The following PNPLA3 variants were observed in gnomAD, a reference collection of about 807,000 sequenced individuals.
PNPLA3 encodes 1-acylglycerol-3-phosphate O-acyltransferase PNPLA3.
PNPLA3 carries 42 observed loss-of-function variants against 43.1 expected under a neutral mutation model. That is an observed-to-expected ratio of 0.97 (90% CI 0.76 to 1.26). The LOEUF (loss-of-function observed/expected upper bound fraction) is 1.26, where lower values mean the gene tolerates loss of function less well. Ranked by LOEUF, PNPLA3 falls within the 50% of genes most tolerant of loss-of-function variation. PNPLA3 has a pLI of 0.00. For missense variants in PNPLA3, 647 were observed against 621.4 expected (o/e 1.04, Z -0.44); for synonymous variants, 272 against 253.6 (o/e 1.07, Z -0.69).
Position 43,927,909 on chromosome 22 carries a change from T to A in PNPLA3, c.420+742T>A, listed in dbSNP as rs2049935518. ...TAATTCCTCCCTTTCCTTCAACACTTGGCTCATGACCGTCCAGTCCAAGGA... is the reference window on the plus strand; with the variant it reads ...TAATTCCTCCCTTTCCTTCAACACTAGGCTCATGACCGTCCAGTCCAAGGA... On this transcript the variant is annotated intron_variant, in intron 2 of 8. Coordinates refer to ENST00000216180, the MANE Select transcript of PNPLA3 (RefSeq NM_025225.3). 2.0e-5 allele frequency among the ~76,000 whole-genome samples: 3 copies of A among 152,188 alleles called. No homozygotes were observed. In the South Asian group the frequency reaches 6.2e-4, roughly 32 times the overall value.
chr22:43,924,067 C>T lies in PNPLA3; in HGVS notation c.156C>T (p.His52=). The change falls in exon 1 of 9, where the codon CAC becomes CAT. Residue 52 remains histidine (H), a synonymous_variant. Transcript: ENST00000216180. ...TCGGCGCTTCGGCCGGGGCGTTGCA[C>T]TGCGTCGGCGTCCTCTCCGGTATCC... ...MLFGASAGAL[H]CVGVLSGIPL... 6.4e-7 allele frequency: 1 copy of T among 1,573,014 alleles called. No homozygotes were observed. The highest frequency in any genetic ancestry group is 8.6e-7 in the Non-Finnish European group (1 of 1,169,036).
intron 7 of PNPLA3, among the ~76,000 whole-genome samples, chr22:43,943,261 CT>C (rs1189988118): frequency 6.6e-6 from 1 of 151,850 alleles, no homozygotes; most frequent in Non-Finnish European, 1.5e-5. Context: ...TCATCTTTCT[CT>C]TTTATGCTAC....
At position 43,946,340 on chromosome 22, in the gene PNPLA3, G is replaced by A. The variant is rs1336656833; in HGVS notation, c.1404G>A (p.Gly468=). 1.2e-6 allele frequency: 2 copies of A among 1,614,064 alleles called. No homozygotes were observed. The highest frequency in any genetic ancestry group is 1.7e-6 in the Non-Finnish European group (2 of 1,180,034). The change falls in exon 9 of 9, where the codon GGG becomes GGA. Residue 468 remains glycine, a synonymous_variant. Coordinates refer to ENST00000216180, the MANE Select transcript of PNPLA3 (RefSeq NM_025225.3). Reference sequence around the variant, plus strand: ...ATAAAGTACCTGCTGGTGCTGAGGGGCTCTCCACCTTTCCCAGTTTTTCAC... The same window carrying A: ...ATAAAGTACCTGCTGGTGCTGAGGGACTCTCCACCTTTCCCAGTTTTTCAC... ...LGNKVPAGAE[G]LSTFPSFSLE...
chr22:43,924,364 G>A (rs1415490604), intron 1 of PNPLA3: 4 of 460,178 alleles, frequency 8.7e-6, no homozygotes, highest in Admixed American at 9.0e-5. Flanking sequence ...CCCATCAGGC[G>A]CCCGTGCATG....
chr22:43,938,277 A>G (rs369320903), intron 6 of PNPLA3, among the ~76,000 whole-genome samples: 1 of 152,252 alleles, frequency 6.6e-6, no homozygotes. Flanking sequence ...TGAGTCAGAC[A>G]TAACTCCTTA....
rs1046784151 is a variant in PNPLA3, at chr22:43,946,557, C to T, written c.*175C>T. ...AGGAAGCAACCTTTCGCCTGTGCAGCGGTCCAGCACTTAACTCTAATACAT... is the reference window on the plus strand; with the variant it reads ...AGGAAGCAACCTTTCGCCTGTGCAGTGGTCCAGCACTTAACTCTAATACAT... On this transcript the variant is annotated 3_prime_UTR_variant, in exon 9 of 9. Coordinates refer to ENST00000216180, the MANE Select transcript of PNPLA3 (RefSeq NM_025225.3). 6.3e-5 allele frequency: 45 copies of T among 715,862 alleles called. No individual in the cohort carries two copies. The East Asian group carries it at 9.0e-4, about 14-fold the overall frequency. The allele number at this position is 715,862 out of a possible 1,614,324, so 44.3% of individuals were successfully genotyped here.
At position 43,926,931 on chromosome 22, in the gene PNPLA3, C is replaced by A. The variant is rs765653982; in HGVS notation, c.188-4C>A. The A allele has an allele frequency of 6.2e-7, 1 of 1,613,344 alleles. No individual in the cohort carries two copies. Among genetic ancestry groups the A allele is most frequent in the Non-Finnish European group, 8.5e-7 (1 of 1,179,288 alleles). On this transcript the variant is annotated splice_polypyrimidine_tract_variant and splice_region_variant and intron_variant, in intron 1 of 8. Transcript: ENST00000216180. The stretch of plus-strand genomic sequence containing the variant: ...TCTTTCATGTATTTGTCTCCTGTCC[C>A]CAGAGCAGACTCTGCAGGTCCTCTC...
intron 7 of PNPLA3, 67 bp from the exon 8 acceptor site, chr22:43,944,624 A>C: frequency 7.6e-7 from 1 of 1,307,234 alleles, no homozygotes. Context: ...TTGTAAACAA[A>C]GGGTAGTGTT....
intron 5 of PNPLA3, among the ~76,000 whole-genome samples, chr22:43,936,420 C>A (rs2049995762): frequency 6.6e-6 from 1 of 152,134 alleles, no homozygotes; most frequent in African/African-American, 2.4e-5. Flanking sequence ...CCTCCCCCAG[C>A]CCAGTGTGCC....
At chr22:43,932,801 T>C (rs1352640763) in intron 3 of PNPLA3, 77 bp from the exon 4 acceptor site, 5 of 1,335,662 alleles carry the variant, frequency 3.7e-6, no homozygotes, top group Non-Finnish European at 5.4e-6. Context: ...TCTGCCCACA[T>C]GTGAAAGCTT....
chr22:43,931,216 G>A (rs548495965), intron 3 of PNPLA3, among the ~76,000 whole-genome samples: 7 of 152,296 alleles, frequency 4.6e-5, no homozygotes, highest in South Asian at 4.1e-4. Flanking sequence ...GTCATCACCC[G>A]TTGAGTGCGC....
chr22:43,936,327 G>A (rs577204640), intron 5 of PNPLA3, among the ~76,000 whole-genome samples: 51 of 152,320 alleles, frequency 3.3e-4, no homozygotes, highest in Admixed American at 5.9e-4. Flanking sequence ...AGGCTCAGGC[G>A]TTGAGGAGCA....
chr22:43,939,276 T>G, intron 6 of PNPLA3: 1 of 646,658 alleles, frequency 1.5e-6, no homozygotes, highest in Non-Finnish European at 1.9e-6. Flanking sequence ...TATTCAGATT[T>G]CTTAATACAA....
rs555748974 is a variant in PNPLA3, at chr22:43,925,943, C to T, written c.188-992C>T. Among the ~76,000 whole-genome samples, 12 of 152,286 alleles carry T rather than the reference C, an allele frequency of 7.9e-5. No homozygotes were observed. In the South Asian group the frequency reaches 2.5e-3, roughly 32 times the overall value. On this transcript the variant is annotated intron_variant, in intron 1 of 8. Coordinates refer to ENST00000216180, the MANE Select transcript of PNPLA3 (RefSeq NM_025225.3). ...AGGACAGGTGCAGCCTGGGGCTTTCCCAGGCAGGACACAGGGAGGCTCAGG... is the reference window on the plus strand; with the variant it reads ...AGGACAGGTGCAGCCTGGGGCTTTCTCAGGCAGGACACAGGGAGGCTCAGG...
intron 2 of PNPLA3, among the ~76,000 whole-genome samples, chr22:43,927,668 G>T (rs1243764148): frequency 2.7e-5 from 4 of 146,614 alleles, no homozygotes; most frequent in Non-Finnish European, 6.0e-5. Context: ...TTTGGGTGGG[G>T]GGGCGGGGTA....
Position 43,933,041 on chromosome 22 carries a change from G to A in PNPLA3, c.650G>A (p.Gly217Glu). 1 of 1,614,068 alleles carries A rather than the reference G, an allele frequency of 6.2e-7. No homozygotes were observed. The highest frequency in any genetic ancestry group is 8.5e-7 in the Non-Finnish European group (1 of 1,180,010). Residue 217 changes from glycine to glutamate, a missense_variant, in exon 4 of 9, where the codon GGG (glycine) becomes GAG (glutamate). Coordinates refer to ENST00000216180, the MANE Select transcript of PNPLA3 (RefSeq NM_025225.3). ...ITKLSLRLCT[G>E]NLYLLSRAFV... Reference sequence around the variant, plus strand: ...AAGCTCAGTCTACGCCTCTGCACAGGGAACCTCTACCTTCTCTCGAGAGCT... The same window carrying A: ...AAGCTCAGTCTACGCCTCTGCACAGAGAACCTCTACCTTCTCTCGAGAGCT...
chr22:43,946,838 AG>A lies in PNPLA3; in HGVS notation c.*457del. ...TGGGAAGGGGTGCAGTTCGTCCCCA[AG>A]AACGACACTGCCTGTCAGGTGGTCT... On this transcript the variant is annotated 3_prime_UTR_variant, in exon 9 of 9. Transcript: ENST00000216180. The A allele has an allele frequency of 2.2e-6, 1 of 456,664 alleles. No homozygotes were observed. The highest frequency in any genetic ancestry group is 1.7e-5 in the South Asian group (1 of 60,588). 28.3% of individuals were successfully genotyped at this position (456,664 alleles called of 1,614,324 possible). A position where few individuals can be genotyped will look rare whatever the true frequency, so the allele number is the denominator to read the frequency against.
In PNPLA3 at chr22:43,937,088, C is replaced by G. The variant is rs1450472581; in HGVS notation, c.795C>G (p.Ser265=). Reference sequence around the variant, plus strand: ...GGCCCCAGCCAGGCCTGAAGTCATCCTCAGAAGGGATGGATCCTGAGGTCG... The same window carrying G: ...GGCCCCAGCCAGGCCTGAAGTCATCGTCAGAAGGGATGGATCCTGAGGTCG... ...CNRPQPGLKS[S]SEGMDPEVAM... Residue 265 remains serine, a synonymous_variant, in exon 6 of 9, where the codon TCC becomes TCG. Coordinates refer to ENST00000216180, the MANE Select transcript of PNPLA3 (RefSeq NM_025225.3). The G allele has an allele frequency of 6.2e-7, 1 of 1,614,052 alleles. No individual in the cohort carries two copies.
chr22:43,936,802 G>T (rs979317016), intron 5 of PNPLA3, among the ~76,000 whole-genome samples: 1 of 152,194 alleles, frequency 6.6e-6, no homozygotes, highest in Non-Finnish European at 1.5e-5. Flanking sequence ...TGCACCTCAT[G>T]AAACCAGATA....
Sources: allele counts gnomAD v4.1 joint callset (sites outside exome capture counted in the v4.1 genomes callset), GRCh38; gene constraint gnomAD v4.1.1; transcripts MANE v1.5; gene names NCBI Gene and HGNC (gene_info 2026-07-23, HGNC 2026-07-21).